The following ADAMTS17 variants were observed in gnomAD, a reference collection of about 807,000 sequenced individuals.
ADAMTS17 encodes the protein A disintegrin and metalloproteinase with thrombospondin motifs 17.
A neutral mutation model predicts 141.5 loss-of-function variants in ADAMTS17; 113 were observed. The observed-to-expected ratio is 0.80, with a 90% confidence interval of 0.69 to 0.93. The LOEUF (loss-of-function observed/expected upper bound fraction) is 0.93, where lower values mean the gene tolerates loss of function less well. Among genes scored for constraint, ADAMTS17 ranks in the 40% least tolerant of loss-of-function variants. ADAMTS17 has a pLI of 0.00. For missense variants in ADAMTS17, 1,659 were observed against 1,517.9 expected (o/e 1.09, Z -1.54); for synonymous variants, 768 against 630.6 (o/e 1.22, Z -3.27).
chr15:100,294,775 AG>A (rs2044753576), intron 3 of ADAMTS17, among the ~76,000 whole-genome samples: 1 of 152,228 alleles, frequency 6.6e-6, no homozygotes, highest in South Asian at 2.1e-4. Context: ...GGGGGAGTGG[AG>A]GTTGTAATCA....
At chr15:100,141,009 C>A (rs74494961) in intron 10 of ADAMTS17, among the ~76,000 whole-genome samples, 2,194 of 152,284 alleles carry the variant, frequency 0.014, 45 homozygotes, top group African/African-American at 0.049. Flanking sequence ...ACTAAGACCT[C>A]CTCTCCCACT....
chr15:100,128,980 A>G (rs2037892269), intron 12 of ADAMTS17: 1 of 152,206 alleles, frequency 6.6e-6, no homozygotes, highest in African/African-American at 2.4e-5. Context: ...GGCAGACAAC[A>G]CCAGTTCCCT....
Position 100,116,970 on chromosome 15 carries a change from G to A in ADAMTS17, c.1765C>T (p.His589Tyr), listed in dbSNP as rs771715660. The A allele has an allele frequency of 1.2e-6, 2 of 1,613,868 alleles. No homozygotes were observed. The highest frequency in any genetic ancestry group is 1.7e-5 in the Admixed American group (1 of 60,006). Reference sequence around the variant, plus strand: ...CAGGGCAGGTTCTCGCAGACCGCATGTTCTACACTGGCACCCGGGCAGTGT... The same window carrying A: ...CAGGGCAGGTTCTCGCAGACCGCATATTCTACACTGGCACCCGGGCAGTGT... ...GTHCPGASVEHAVCENLPCPK... is the reference protein window; with the variant it reads ...GTHCPGASVEYAVCENLPCPK... The change falls in exon 13 of 22, where the codon CAT becomes TAT. Residue 589 changes from histidine to tyrosine, a missense_variant. Physicochemically the swap from His to Tyr is moderately conservative, Grantham distance 83. Coordinates refer to ENST00000268070, the MANE Select transcript of ADAMTS17 (RefSeq NM_139057.4).
At chr15:100,228,714 G>A (rs761684524) in intron 7 of ADAMTS17, among the ~76,000 whole-genome samples, 7 of 152,310 alleles carry the variant, frequency 4.6e-5, no homozygotes, top group East Asian at 3.9e-4. Context: ...TCTACCCCTC[G>A]TGTTTCCATG....
intron 7 of ADAMTS17, among the ~76,000 whole-genome samples, chr15:100,222,167 C>G (rs1481768742): frequency 1.3e-5 from 2 of 152,202 alleles, no homozygotes; most frequent in Non-Finnish European, 2.9e-5. Context: ...GAAGACTCAT[C>G]CACACAGAAC....
intron 10 of ADAMTS17, among the ~76,000 whole-genome samples, chr15:100,145,607 G>A (rs942833841): frequency 8.5e-5 from 13 of 152,130 alleles, no homozygotes; most frequent in African/African-American, 2.2e-4. Flanking sequence ...CCTGCCTCAC[G>A]AAGACACACA....
chr15:100,069,037 G>C (rs572425154), intron 15 of ADAMTS17, among the ~76,000 whole-genome samples: 1 of 152,306 alleles, frequency 6.6e-6, no homozygotes, highest in African/African-American at 2.4e-5. Flanking sequence ...CCAATGCAGA[G>C]AAGTCCTTAA....
chr15:100,120,653 C>G lies in ADAMTS17; in HGVS notation c.1722-3640G>C, dbSNP rs1034666077. Among the ~76,000 whole-genome samples, 3 of 152,210 alleles carry G rather than the reference C, an allele frequency of 2.0e-5. 1 individual carries two copies. Among genetic ancestry groups the G allele is most frequent in the African/African-American group, 7.2e-5 (3 of 41,458 alleles). ...GAAAAGATACAGGTTCAAAAAAGAC[C>G]TGATAAGACCTTCAGCTTTCACTTC... On this transcript the variant is annotated intron_variant, in intron 12 of 21. Transcript: ENST00000268070.
At chr15:100,148,381 T>A (rs2039007487) in intron 10 of ADAMTS17, among the ~76,000 whole-genome samples, 1 of 145,458 alleles carries the variant, frequency 6.9e-6, no homozygotes, top group Admixed American at 6.8e-5. Flanking sequence ...CTAGTATCAT[T>A]TTCTGCAGAA....
In ADAMTS17 at chr15:100,029,206, G is replaced by C. The variant is rs111326434; in HGVS notation, c.2591+19651C>G. Among the ~76,000 whole-genome samples the C allele has an allele frequency of 4.8e-4, 73 of 152,264 alleles. 1 individual carries two copies. The highest frequency in any genetic ancestry group is 1.6e-3 in the African/African-American group (65 of 41,540). On this transcript the variant is annotated intron_variant, in intron 18 of 21. Transcript: ENST00000268070. Reference sequence around the variant, plus strand: ...CAGAATGGAATCTTCCCAGATTTCCGCTTGGTGCTGAGCTGTATTGACTTT... The same window carrying C: ...CAGAATGGAATCTTCCCAGATTTCCCCTTGGTGCTGAGCTGTATTGACTTT...
Position 100,341,962 on chromosome 15 carries a change from G to GCGC in ADAMTS17, c.-66_-64dup, listed in dbSNP as rs2046382366. The GCGC allele has an allele frequency of 3.2e-6, 5 of 1,538,634 alleles. No individual in the cohort carries two copies. The highest frequency in any genetic ancestry group is 2.5e-5 in the East Asian group (1 of 40,802). On this transcript the variant is annotated 5_prime_UTR_variant, in exon 1 of 22. Transcript: ENST00000268070. ...CGAAGCAGGAGCGCGCTAGGCGGCG[G>GCGC]CGCCAGCCGGAGTGAAGCCCTCCAG...
At position 100,254,148 on chromosome 15, in the gene ADAMTS17, A is replaced by G. The variant is rs1248980386; in HGVS notation, c.1063T>C (p.Cys355Arg). The part of the protein sequence containing the change: ...TDFCVHKDEP[C>R]DTVGIAYLGG... ...ACTCTAAACTTACCAACAGTGTCACACGGTTCATCCTTGTGTACACAGAAA... is the reference window on the plus strand; with the variant it reads ...ACTCTAAACTTACCAACAGTGTCACGCGGTTCATCCTTGTGTACACAGAAA... The change falls in exon 7 of 22, where the codon TGT becomes CGT. Residue 355 changes from cysteine (C) to arginine (R), a missense_variant. Coordinates refer to ENST00000268070, the MANE Select transcript of ADAMTS17 (RefSeq NM_139057.4). The G allele has an allele frequency of 1.2e-6, 2 of 1,613,462 alleles. No homozygotes were observed. The highest frequency in any genetic ancestry group is 1.7e-6 in the Non-Finnish European group (2 of 1,179,476).
rs534000684 is a variant in ADAMTS17, at chr15:100,225,689, C to T, written c.1076-26266G>A. Among the ~76,000 whole-genome samples, 10 of 147,690 alleles carry T rather than the reference C, an allele frequency of 6.8e-5. No individual in the cohort carries two copies. The South Asian group carries it at 1.3e-3, about 19-fold the overall frequency. On this transcript the variant is annotated intron_variant, in intron 7 of 21. Transcript: ENST00000268070. Reference sequence around the variant, plus strand: ...GCCCATTCAGTCCTTACAGCAGTCACGGTCTCTGTGCCCATTCAGTCCTTA... The same window carrying T: ...GCCCATTCAGTCCTTACAGCAGTCATGGTCTCTGTGCCCATTCAGTCCTTA...
intron 7 of ADAMTS17, among the ~76,000 whole-genome samples, chr15:100,248,580 A>G (rs1225359737): frequency 6.6e-6 from 1 of 152,214 alleles, no homozygotes; most frequent in African/African-American, 2.4e-5. Flanking sequence ...TCAACAGAGG[A>G]AATGTGCACA....
At chr15:100,159,881 G>C (rs919332251) in intron 8 of ADAMTS17, among the ~76,000 whole-genome samples, 1 of 152,232 alleles carries the variant, frequency 6.6e-6, no homozygotes, top group Non-Finnish European at 1.5e-5. Context: ...GTAAGCCTAA[G>C]AGAAAGGAAC....
chr15:100,033,329 G>C (rs1322430225), intron 18 of ADAMTS17, among the ~76,000 whole-genome samples: 1 of 152,206 alleles, frequency 6.6e-6, no homozygotes, highest in Non-Finnish European at 1.5e-5. Context: ...CTCATGCTTT[G>C]AGAATCACAC....
intron 7 of ADAMTS17, among the ~76,000 whole-genome samples, chr15:100,216,705 T>C (rs148998922): frequency 2.9e-4 from 44 of 152,316 alleles, no homozygotes; most frequent in African/African-American, 1.0e-3. Context: ...GGATGCTTTA[T>C]CCAGAGGCCT....
intron 18 of ADAMTS17, among the ~76,000 whole-genome samples, chr15:100,009,140 T>A (rs968770535): frequency 6.6e-6 from 1 of 152,126 alleles, no homozygotes; most frequent in African/African-American, 2.4e-5. Context: ...GCGCCTGGCA[T>A]ACCCTGTCCT....
chr15:100,199,216 G>T (rs957947581), intron 8 of ADAMTS17, 102 bp downstream of exon 8: 1 of 1,122,738 alleles, frequency 8.9e-7, no homozygotes, highest in Non-Finnish European at 1.4e-6. Flanking sequence ...ATGCAGCAAA[G>T]GCATAGAGCA....
Sources: gnomAD v4.1 joint callset for allele counts (sites outside exome capture counted in the v4.1 genomes callset) on GRCh38, gnomAD v4.1.1 for gene constraint, MANE v1.5 for transcripts, NCBI Gene and HGNC (gene_info 2026-07-23, HGNC 2026-07-21) for gene names.